Variants in MCPH1 observed in about 807,000 individuals in gnomAD.
MCPH1 encodes the protein microcephalin 1.
In MCPH1, 104 loss-of-function variants were observed where a neutral mutation model predicts 84.5. The observed-to-expected ratio is 1.23, with a 90% confidence interval of 1.05 to 1.45. The LOEUF (loss-of-function observed/expected upper bound fraction) is 1.45, where lower values mean the gene tolerates loss of function less well. Among genes scored for constraint, MCPH1 ranks in the 40% most tolerant of loss-of-function variants. The pLI is 0.00. For missense variants in MCPH1, 1,498 were observed against 1,005.7 expected (o/e 1.49, Z -6.62); for synonymous variants, 514 against 366.8 (o/e 1.40, Z -4.58).
intron 9 of MCPH1, among the ~76,000 whole-genome samples, chr8:6,466,990 G>A (rs902124660): frequency 6.6e-6 from 1 of 152,144 alleles, no homozygotes; most frequent in African/African-American, 2.4e-5. Flanking sequence ...TATTAATCCA[G>A]GGTAATTTCG....
intron 9 of MCPH1, among the ~76,000 whole-genome samples, chr8:6,473,201 T>C (rs1807982695): frequency 6.6e-6 from 1 of 152,174 alleles, no homozygotes; most frequent in Non-Finnish European, 1.5e-5. Flanking sequence ...TAGTCTTTAG[T>C]TTTAAGAGAT....
chr8:6,474,276 A>T, intron 9 of MCPH1: 2 of 537,028 alleles, frequency 3.7e-6, no homozygotes, highest in Non-Finnish European at 6.8e-6. Flanking sequence ...ATGTATTTCA[A>T]TCCTGATTTT....
chr8:6,452,635 T>G (rs1805216323), intron 8 of MCPH1, among the ~76,000 whole-genome samples: 1 of 152,234 alleles, frequency 6.6e-6, no homozygotes, highest in South Asian at 2.1e-4. Context: ...AGATGAGGTC[T>G]TGAAGATGGG....
chr8:6,493,039 G>A (rs1181863211), intron 11 of MCPH1, among the ~76,000 whole-genome samples: 1 of 152,180 alleles, frequency 6.6e-6, no homozygotes, highest in Non-Finnish European at 1.5e-5. Context: ...AATTTCTGCT[G>A]TGTTTTCATA....
At chr8:6,590,212 A>C (rs938179908) in intron 12 of MCPH1, among the ~76,000 whole-genome samples, 14 of 152,194 alleles carry the variant, frequency 9.2e-5, no homozygotes, top group African/African-American at 2.9e-4. Context: ...CAACAAAAAA[A>C]AAAAAATACA....
chr8:6,561,796 A>G (rs897559918), intron 12 of MCPH1, among the ~76,000 whole-genome samples: 2 of 152,156 alleles, frequency 1.3e-5, no homozygotes, highest in Non-Finnish European at 2.9e-5. Context: ...AAAATTATTT[A>G]TGAAAGAAAA....
At chr8:6,526,255 A>C (rs1818305400) in intron 12 of MCPH1, among the ~76,000 whole-genome samples, 1 of 95,902 alleles carries the variant, frequency 1.0e-5, no homozygotes, top group Non-Finnish European at 2.0e-5. Context: ...CCTTGCCTCT[A>C]CTAAAAAAAA....
chr8:6,510,106 G>A (rs1040092458), intron 12 of MCPH1, among the ~76,000 whole-genome samples: 1 of 151,960 alleles, frequency 6.6e-6, no homozygotes, highest in Non-Finnish European at 1.5e-5. Flanking sequence ...CTGTGTACCA[G>A]CAAGGAGCAT....
chr8:6,535,130 C>T (rs11993450), intron 12 of MCPH1, among the ~76,000 whole-genome samples: 2,933 of 152,230 alleles, frequency 0.019, 98 homozygotes, highest in African/African-American at 0.067. Flanking sequence ...GTCTTAACCT[C>T]CTTCTTGATT....
chr8:6,624,450 G>A (rs1831847965), intron 13 of MCPH1, among the ~76,000 whole-genome samples: 1 of 152,210 alleles, frequency 6.6e-6, no homozygotes, highest in Non-Finnish European at 1.5e-5. Flanking sequence ...GGCATCTCCA[G>A]TGTAGTAGAC....
intron 12 of MCPH1, among the ~76,000 whole-genome samples, chr8:6,516,450 T>A (rs960581183): frequency 5.3e-5 from 8 of 152,196 alleles, no homozygotes; most frequent in Non-Finnish European, 8.8e-5. Context: ...ATGTTTTTTT[T>A]CCACTGACAT....
intron 13 of MCPH1, chr8:6,625,135 A>T: frequency 2.1e-6 from 2 of 960,504 alleles, no homozygotes; most frequent in Non-Finnish European, 2.5e-6. Flanking sequence ...TCGGCCTCCC[A>T]AAGTGCTGGG....
chr8:6,618,431 T>A lies in MCPH1; in HGVS notation c.2215-3023T>A, dbSNP rs142160281. ...AGTCACATCCTAAACATTCGAGAGG[T>A]TGATTTCCTTTTCTACTGCATTACA... On this transcript the variant is annotated intron_variant, in intron 12 of 13. Coordinates refer to ENST00000344683, the MANE Select transcript of MCPH1 (RefSeq NM_024596.5). 2.5e-3 allele frequency: 381 copies of A among 152,268 alleles called. 2 individuals are homozygous for A. The highest frequency in any genetic ancestry group is 8.4e-3 in the African/African-American group (349 of 41,546). 9.4% of individuals were successfully genotyped at this position (152,268 alleles called of 1,614,324 possible).
At chr8:6,597,470 C>T (rs748203402) in intron 12 of MCPH1, among the ~76,000 whole-genome samples, 1 of 152,068 alleles carries the variant, frequency 6.6e-6, no homozygotes, top group Non-Finnish European at 1.5e-5. Flanking sequence ...GTGCCAAGTG[C>T]CATTGGAAAT....
At chr8:6,606,386 T>C (rs1268897393) in intron 12 of MCPH1, among the ~76,000 whole-genome samples, 1 of 152,242 alleles carries the variant, frequency 6.6e-6, no homozygotes, top group Non-Finnish European at 1.5e-5. Context: ...TGTTGCATTT[T>C]ATACATCTTG....
In MCPH1 at chr8:6,576,644, A is replaced by AT. The variant is rs1165899428; in HGVS notation, c.2215-44808dup. On this transcript the variant is annotated intron_variant, in intron 12 of 13. Coordinates refer to ENST00000344683, the MANE Select transcript of MCPH1 (RefSeq NM_024596.5). ...TGCCTCAGCCTTCTGAGTAGCTGGG[A>AT]TTACAGGTGCCCGCCACCACGCTCT... Among the ~76,000 whole-genome samples the AT allele has an allele frequency of 2.0e-4, 26 of 127,392 alleles. No homozygotes were observed. In the Admixed American group the frequency reaches 2.4e-3, roughly 12 times the overall value. 83.6% of individuals were successfully genotyped at this position (127,392 alleles called of 152,430 possible).
chr8:6,600,044 CCA>C (rs1183057242), intron 12 of MCPH1, among the ~76,000 whole-genome samples: 4 of 152,316 alleles, frequency 2.6e-5, no homozygotes, highest in African/African-American at 7.2e-5. Context: ...AACCTTTTCC[CCA>C]CAGGAGCTGG....
chr8:6,646,333 G>A lies in MCPH1; in HGVS notation c.*3284G>A, dbSNP rs1798214475. On this transcript the variant is annotated 3_prime_UTR_variant, in exon 14 of 14. Coordinates refer to ENST00000344683, the MANE Select transcript of MCPH1 (RefSeq NM_024596.5). ...CTCAGTTACTCAGGAGGCTGAAGCA[G>A]AATAGCTTGAACCCAAGAGAGTCCA... The A allele has an allele frequency of 6.6e-6, 1 of 152,178 alleles. No homozygotes were observed. Among genetic ancestry groups the A allele is most frequent in the Non-Finnish European group, 1.5e-5 (1 of 68,042 alleles). 9.4% of individuals were successfully genotyped at this position (152,178 alleles called of 1,614,324 possible). A position where few individuals can be genotyped will look rare whatever the true frequency, so the allele number is the denominator to read the frequency against.
chr8:6,453,313 A>G (rs1805294872), intron 8 of MCPH1, among the ~76,000 whole-genome samples: 1 of 20,920 alleles, frequency 4.8e-5, no homozygotes, highest in Non-Finnish European at 1.3e-4. Context: ...AGTTTATGAA[A>G]TGTTTTAAAT....
Sources: allele counts gnomAD v4.1 joint callset (sites outside exome capture counted in the v4.1 genomes callset), GRCh38; gene constraint gnomAD v4.1.1; transcripts MANE v1.5; gene names NCBI Gene and HGNC (gene_info 2026-07-23, HGNC 2026-07-21).